The following BAIAP2L1 variants were observed in gnomAD, a reference collection of about 807,000 sequenced individuals.
BAIAP2L1 encodes BAR/IMD domain-containing adapter protein 2-like 1.
Under a neutral mutation model 66.3 loss-of-function variants are expected in BAIAP2L1, and 35 were observed. The ratio of observed to expected loss-of-function variants is 0.53; its 90% CI spans 0.40 to 0.70. The LOEUF (loss-of-function observed/expected upper bound fraction) is 0.70, where lower values mean the gene tolerates loss of function less well. Among genes scored for constraint, BAIAP2L1 ranks in the 30% least tolerant of loss-of-function variants. The pLI, the probability that BAIAP2L1 is intolerant of heterozygous loss-of-function variation, is 0.00. For missense variants in BAIAP2L1, 622 were observed against 656.9 expected (o/e 0.95, Z 0.58); for synonymous variants, 269 against 248.7 (o/e 1.08, Z -0.77).
chr7:98,347,635 C>T (rs188980730), intron 3 of BAIAP2L1, among the ~76,000 whole-genome samples: 1,781 of 152,072 alleles, frequency 0.012, 39 homozygotes, highest in African/African-American at 0.041. Flanking sequence ...ATTAGCCGGG[C>T]GCCGTGGCAG....
At chr7:98,387,268 T>C (rs138388834) in intron 1 of BAIAP2L1, among the ~76,000 whole-genome samples, 54 of 152,272 alleles carry the variant, frequency 3.5e-4, no homozygotes, top group Admixed American at 8.5e-4. Flanking sequence ...AAACTCTGGA[T>C]GGGCACAGAC....
rs575670762 is a variant in BAIAP2L1, at chr7:98,378,380, C to T, written c.52-15948G>A. On this transcript the variant is annotated intron_variant, in intron 1 of 13. Coordinates refer to ENST00000005260, the MANE Select transcript of BAIAP2L1 (RefSeq NM_018842.5). ...TGGGAAGAGGCATTGAAAGCCGGGA[C>T]ATTCCCTGCAGCTGCATGCTCCACC... 1.8e-4 allele frequency among the ~76,000 whole-genome samples: 27 copies of T among 152,248 alleles called. No individual in the cohort carries two copies. In the South Asian group the frequency reaches 5.4e-3, roughly 30 times the overall value.
At position 98,322,169 on chromosome 7, in the gene BAIAP2L1, T is replaced by C. The variant is rs886214742; in HGVS notation, c.215-1871A>G. 5.9e-5 allele frequency among the ~76,000 whole-genome samples: 9 copies of C among 151,884 alleles called. No individual in the cohort carries two copies. The East Asian group carries it at 1.5e-3, about 26-fold the overall frequency. On this transcript the variant is annotated intron_variant, in intron 3 of 13. Coordinates refer to ENST00000005260, the MANE Select transcript of BAIAP2L1 (RefSeq NM_018842.5). ...GGAGGAATCGGAATGAGGACTGTGG[T>C]AGAATATGGGGAGAGAGAGAAAGCA...
At chr7:98,294,810 AAG>A (rs1165471614) in intron 12 of BAIAP2L1, among the ~76,000 whole-genome samples, 4 of 152,200 alleles carry the variant, frequency 2.6e-5, no homozygotes, top group African/African-American at 9.7e-5. Flanking sequence ...AACTGAGGAA[AAG>A]AGAAGGTGGA....
At chr7:98,377,819 CAAAAAAAAAAAAAA>C (rs55633908) in intron 1 of BAIAP2L1, among the ~76,000 whole-genome samples, 32 of 40,786 alleles carry the variant, frequency 7.8e-4, no homozygotes, top group African/African-American at 3.8e-3. Flanking sequence ...GACTCAATCT[CAAAAAAAAAAAAAA>C]AAAAAAAAAA....
At chr7:98,339,905 C>T (rs1048400638) in intron 3 of BAIAP2L1, among the ~76,000 whole-genome samples, 8 of 152,260 alleles carry the variant, frequency 5.3e-5, no homozygotes, top group South Asian at 2.1e-4. Context: ...AGGTCCTTTG[C>T]GCCACCCCCC....
intron 12 of BAIAP2L1, 59 bp downstream of exon 12, chr7:98,304,137 C>T (rs1484636129): frequency 1.4e-6 from 2 of 1,478,644 alleles, no homozygotes; most frequent in East Asian, 5.0e-5. Context: ...AGGACCTGCG[C>T]CTCCCAGTCG....
intron 3 of BAIAP2L1, among the ~76,000 whole-genome samples, chr7:98,337,373 A>G (rs1189052503): frequency 6.6e-6 from 1 of 152,152 alleles, no homozygotes. Flanking sequence ...CTGAGATTAC[A>G]GGCGTGTGCC....
At chr7:98,323,859 A>C (rs1177661022) in intron 3 of BAIAP2L1, among the ~76,000 whole-genome samples, 1 of 152,240 alleles carries the variant, frequency 6.6e-6, no homozygotes, top group Non-Finnish European at 1.5e-5. Context: ...TAGCCGAAAG[A>C]GTATCTTGAA....
At chr7:98,354,233 AC>A (rs1321592250) in intron 3 of BAIAP2L1, among the ~76,000 whole-genome samples, 2 of 151,054 alleles carry the variant, frequency 1.3e-5, no homozygotes, top group Non-Finnish European at 3.0e-5. Context: ...AATCCTAAAA[AC>A]CCTCAGGCCA....
chr7:98,363,551 TAAC>T (rs761190596), intron 1 of BAIAP2L1, among the ~76,000 whole-genome samples: 5 of 152,146 alleles, frequency 3.3e-5, no homozygotes, highest in Admixed American at 6.5e-5. Context: ...ATAAGACAAA[TAAC>T]TATTTAGGAC....
At chr7:98,322,444 G>A (rs1254353580) in intron 3 of BAIAP2L1, among the ~76,000 whole-genome samples, 5 of 152,144 alleles carry the variant, frequency 3.3e-5, no homozygotes, top group Non-Finnish European at 7.4e-5. Context: ...CTGCCAGCCA[G>A]CCAAGGATCA....
chr7:98,296,231 G>A (rs987418625), intron 12 of BAIAP2L1, among the ~76,000 whole-genome samples: 11 of 152,356 alleles, frequency 7.2e-5, no homozygotes, highest in South Asian at 2.1e-4. Context: ...CTGGGTGATC[G>A]TGGGGGCCGG....
intron 3 of BAIAP2L1, among the ~76,000 whole-genome samples, chr7:98,326,234 G>A (rs1801379243): frequency 6.6e-6 from 1 of 152,162 alleles, no homozygotes; most frequent in African/African-American, 2.4e-5. Context: ...CCATGACTGT[G>A]CCACTGTACT....
intron 3 of BAIAP2L1, among the ~76,000 whole-genome samples, chr7:98,349,937 A>T (rs527751762): frequency 1.3e-5 from 2 of 151,806 alleles, no homozygotes; most frequent in Non-Finnish European, 2.9e-5. Context: ...CATGCCTGTA[A>T]TCCCAGCTAC....
intron 1 of BAIAP2L1, among the ~76,000 whole-genome samples, chr7:98,379,414 A>G (rs1402344915): frequency 6.6e-6 from 1 of 152,158 alleles, no homozygotes; most frequent in Non-Finnish European, 1.5e-5. Context: ...CAGCCTCGAA[A>G]ATTGAGCATT....
chr7:98,383,330 C>A (rs1008090119), intron 1 of BAIAP2L1, among the ~76,000 whole-genome samples: 1 of 145,548 alleles, frequency 6.9e-6, no homozygotes, highest in Non-Finnish European at 1.5e-5. Flanking sequence ...GTTGACCAGG[C>A]TGGAGTGCAA....
At chr7:98,314,814 T>C (rs1207075755) in intron 7 of BAIAP2L1, among the ~76,000 whole-genome samples, 2 of 152,138 alleles carry the variant, frequency 1.3e-5, no homozygotes, top group African/African-American at 4.8e-5. Flanking sequence ...GCAGCCATGG[T>C]GAAGACACTG....
intron 8 of BAIAP2L1, among the ~76,000 whole-genome samples, chr7:98,311,745 A>G (rs1309714012): frequency 6.6e-6 from 1 of 151,868 alleles, no homozygotes; most frequent in South Asian, 2.1e-4. Context: ...GTCTCTACTA[A>G]TAATACAAAA....
Sources: gnomAD v4.1 joint callset for allele counts (sites outside exome capture counted in the v4.1 genomes callset) on GRCh38, gnomAD v4.1.1 for gene constraint, MANE v1.5 for transcripts, NCBI Gene and HGNC (gene_info 2026-07-23, HGNC 2026-07-21) for gene names.